The following SMC1B variants were observed in gnomAD, a reference collection of about 807,000 sequenced individuals.
The protein encoded by SMC1B is structural maintenance of chromosomes 1B, also known as structural maintenance of chromosomes protein 1B.
A neutral mutation model predicts 157.9 loss-of-function variants in SMC1B; 60 were observed. That is an observed-to-expected ratio of 0.38 (90% CI 0.31 to 0.47). The LOEUF (loss-of-function observed/expected upper bound fraction) is 0.47. SMC1B is among the 20% of genes least tolerant of loss of function. The pLI is 0.99. For synonymous variants in SMC1B, 445 were observed against 483.0 expected (o/e 0.92, Z 1.03); for missense variants, 1,165 against 1,426.2 (o/e 0.82, Z 2.95).
chr22:45,385,538 T>G (rs190685909), intron 11 of SMC1B, among the ~76,000 whole-genome samples: 1 of 152,198 alleles, frequency 6.6e-6, no homozygotes, highest in East Asian at 1.9e-4. Flanking sequence ...GATTAAAATT[T>G]TGAAATACTG....
At chr22:45,380,364 AT>A (rs2146810144) in intron 12 of SMC1B, among the ~76,000 whole-genome samples, 1 of 152,258 alleles carries the variant, frequency 6.6e-6, no homozygotes, top group South Asian at 2.1e-4. Context: ...CAACTGGTCA[AT>A]TAAAGTTGAT....
At chr22:45,351,467 TA>T (rs1489031028) in intron 22 of SMC1B, among the ~76,000 whole-genome samples, 1 of 152,250 alleles carries the variant, frequency 6.6e-6, no homozygotes, top group Non-Finnish European at 1.5e-5. Flanking sequence ...TAGAGACCAG[TA>T]AAAAGTTTTC....
rs746948543 is a variant in SMC1B, at chr22:45,352,526, C to G, written c.3350G>C (p.Arg1117Pro). The G allele has an allele frequency of 1.9e-6, 3 of 1,614,056 alleles. No homozygotes were observed. In the East Asian group the frequency reaches 6.7e-5, roughly 36 times the overall value. The change falls in exon 22 of 25, where the codon CGG becomes CCG. Residue 1117 changes from arginine (R) to proline (P), a missense_variant. By Grantham distance (103) the Arg-to-Pro change is moderately radical. Coordinates refer to ENST00000357450, the MANE Select transcript of SMC1B (RefSeq NM_148674.5). Reference protein sequence around the residue: ...ISYNCVAPGKRFMPMDNLSGG... With the variant: ...ISYNCVAPGKPFMPMDNLSGG... ...TGACAAATTGTCCATTGGCATAAACCGTTTGCCTGGGGCCACACAGTTATA... is the reference window on the plus strand; with the variant it reads ...TGACAAATTGTCCATTGGCATAAACGGTTTGCCTGGGGCCACACAGTTATA...
In SMC1B at chr22:45,345,816, T is replaced by TA. The variant is rs572780334; in HGVS notation, c.3496-248dup. On this transcript the variant is annotated intron_variant, in intron 23 of 24. Coordinates refer to ENST00000357450, the MANE Select transcript of SMC1B (RefSeq NM_148674.5). ...TAAAGAATAAAGCTCCAACTTAAGA[T>TA]ACTGTGATGTGAATAGGTAACCAGC... Among the ~76,000 whole-genome samples, 321 of 152,320 alleles carry TA rather than the reference T, an allele frequency of 2.1e-3. 1 individual carries two copies. The highest frequency in any genetic ancestry group is 6.8e-3 in the Middle Eastern group (2 of 294).
chr22:45,395,912 C>G (rs1270728185), intron 7 of SMC1B, among the ~76,000 whole-genome samples: 1 of 151,980 alleles, frequency 6.6e-6, no homozygotes, highest in African/African-American at 2.4e-5. Flanking sequence ...TTTTTAGGAG[C>G]TGGGATATAA....
chr22:45,406,677 T>G lies in SMC1B; in HGVS notation c.412-14A>C. On this transcript the variant is annotated splice_polypyrimidine_tract_variant and intron_variant, in intron 3 of 24. Transcript: ENST00000357450. ...CTCTACAGTTCCCTTTTAAAAACAG[T>G]AATGCACATCAACATATAAAATATA... is the stretch of plus-strand genomic sequence containing the variant. 3 of 1,599,284 alleles carry G rather than the reference T, an allele frequency of 1.9e-6. No individual in the cohort carries two copies. The highest frequency in any genetic ancestry group is 2.6e-6 in the Non-Finnish European group (3 of 1,173,798).
At chr22:45,391,623 T>C (rs543232002) in intron 9 of SMC1B, among the ~76,000 whole-genome samples, 13 of 152,324 alleles carry the variant, frequency 8.5e-5, no homozygotes, top group African/African-American at 3.1e-4. Context: ...CTCACAGAAG[T>C]GAGACAATCA....
At position 45,389,726 on chromosome 22, in the gene SMC1B, G is replaced by C. The variant is rs1185302240; in HGVS notation, c.1717C>G (p.Leu573Val). 1.2e-6 allele frequency: 2 copies of C among 1,613,790 alleles called. No individual in the cohort carries two copies. The highest frequency in any genetic ancestry group is 3.3e-5 in the Admixed American group (2 of 59,986). Reference protein sequence around the residue: ...ERAEPETFLALDYLDIKPINE... With the variant: ...ERAEPETFLAVDYLDIKPINE... ...AAAGTTCTTACATCAAGGTAATCTA[G>C]AGCGAGGAATGTCTCAGGTTCAGCT... The change falls in exon 10 of 25, where the codon CTA becomes GTA. Residue 573 changes from leucine (L) to valine (V), a missense_variant. Physicochemically the swap from Leu to Val is conservative, Grantham distance 32. Transcript: ENST00000357450.
At chr22:45,346,129 CG>C (rs1569170103) in intron 23 of SMC1B, among the ~76,000 whole-genome samples, 1 of 151,224 alleles carries the variant, frequency 6.6e-6, no homozygotes. Context: ...CGCTTGAACC[CG>C]GGAGGTAGAG....
chr22:45,383,117 G>C (rs539317301), intron 12 of SMC1B, among the ~76,000 whole-genome samples: 1 of 146,808 alleles, frequency 6.8e-6, no homozygotes, highest in East Asian at 2.0e-4. Context: ...TGGGCAACAA[G>C]AGCGAAACTC....
In SMC1B at chr22:45,386,900, C is replaced by G. The variant is rs770369235; in HGVS notation, c.1878G>C (p.Arg626Ser). The change falls in exon 11 of 25, where the codon AGG becomes AGC. Residue 626 changes from arginine (R) to serine (S), a missense_variant. Arg to Ser is a moderately radical substitution (Grantham distance 110). Transcript: ENST00000357450. ...TTTCAGGTCCACTGAGTGCAATATG[C>G]CTTGCTTCTTCCATAGTCTCACAAA... is the stretch of plus-strand genomic sequence containing the variant. ...GLVCETMEEA[R>S]HIALSGPERQ... The G allele has an allele frequency of 6.2e-7, 1 of 1,614,014 alleles. No individual in the cohort carries two copies. Among genetic ancestry groups the G allele is most frequent in the South Asian group, 1.1e-5 (1 of 91,074 alleles).
chr22:45,382,520 G>A (rs761525700), intron 12 of SMC1B, among the ~76,000 whole-genome samples: 3 of 152,206 alleles, frequency 2.0e-5, no homozygotes, highest in Non-Finnish European at 4.4e-5. Flanking sequence ...TGAAGAAAAT[G>A]TTCTATGTCA....
At chr22:45,364,557 T>C (rs1263084900) in intron 15 of SMC1B, among the ~76,000 whole-genome samples, 1 of 152,130 alleles carries the variant, frequency 6.6e-6, no homozygotes, top group Non-Finnish European at 1.5e-5. Context: ...GGCTACCCAC[T>C]TAGTGGTAGA....
At chr22:45,362,018 A>G in intron 16 of SMC1B, 34 bp from the exon 17 acceptor site, 4 of 1,587,512 alleles carry the variant, frequency 2.5e-6, no homozygotes, top group East Asian at 2.2e-5. Flanking sequence ...TAGATTTACT[A>G]TCTTTTATAT....
intron 1 of SMC1B, among the ~76,000 whole-genome samples, chr22:45,413,109 G>A (rs2087368763): frequency 6.6e-6 from 1 of 152,174 alleles, no homozygotes; most frequent in African/African-American, 2.4e-5. Flanking sequence ...CCGGAGCTGA[G>A]GTGGGGTGGG....
chr22:45,409,079 T>C (rs1221510233), intron 1 of SMC1B, among the ~76,000 whole-genome samples, 181 bp from the exon 2 acceptor site: 6 of 152,370 alleles, frequency 3.9e-5, no homozygotes, highest in African/African-American at 9.6e-5. Flanking sequence ...TCTATGCATC[T>C]ATTGTAGACT....
chr22:45,384,144 G>A (rs1301519812), intron 11 of SMC1B, among the ~76,000 whole-genome samples: 1 of 152,068 alleles, frequency 6.6e-6, no homozygotes, highest in Non-Finnish European at 1.5e-5. Flanking sequence ...ATATGAGTGA[G>A]GTTGCATTTT....
In SMC1B at chr22:45,383,453, T is replaced by C; in HGVS notation, c.2058+14A>G. The C allele has an allele frequency of 1.3e-6, 2 of 1,567,754 alleles. No individual in the cohort carries two copies. The highest frequency in any genetic ancestry group is 1.2e-5 in the South Asian group (1 of 82,750). On this transcript the variant is annotated intron_variant, in intron 12 of 24. Coordinates refer to ENST00000357450, the MANE Select transcript of SMC1B (RefSeq NM_148674.5). ...TCTACTTAGTATATTACAACTTTTA[T>C]GACATGGATTTACCTTTAGCTCTTG... is the stretch of plus-strand genomic sequence containing the variant.
chr22:45,379,514 TCC>T (rs2086914618), intron 12 of SMC1B, among the ~76,000 whole-genome samples: 1 of 152,074 alleles, frequency 6.6e-6, no homozygotes, highest in African/African-American at 2.4e-5. Context: ...AACACTCTAG[TCC>T]CTCCTGTCCC....
Sources: gnomAD v4.1 joint callset for allele counts (sites outside exome capture counted in the v4.1 genomes callset) on GRCh38, gnomAD v4.1.1 for gene constraint, MANE v1.5 for transcripts, NCBI Gene and HGNC (gene_info 2026-07-23, HGNC 2026-07-21) for gene names.